The following TCERG1 variants were observed in gnomAD, a reference collection of about 807,000 sequenced individuals.
TCERG1 encodes the protein transcription elongation regulator 1, also known as TATA box binding protein (TBP)-associated factor, RNA polymerase II, S, 150kD.
TCERG1 carries 37 observed loss-of-function variants against 144.7 expected under a neutral mutation model. The observed-to-expected ratio is 0.26, with a 90% CI of 0.20 to 0.34. The LOEUF (loss-of-function observed/expected upper bound fraction) is 0.34, where lower values mean the gene tolerates loss of function less well. Among genes scored for constraint, TCERG1 ranks in the 10% least tolerant of loss-of-function variants. TCERG1 has a pLI of 1.00. For synonymous variants in TCERG1, 492 were observed against 458.2 expected (o/e 1.07, Z -0.94); for missense variants, 1,027 against 1,380.7 (o/e 0.74, Z 4.06).
At chr5:146,478,968 G>A (rs898354154) in intron 10 of TCERG1, among the ~76,000 whole-genome samples, 2 of 152,046 alleles carry the variant, frequency 1.3e-5, no homozygotes, top group African/African-American at 4.8e-5. Flanking sequence ...ATGCTCCTCG[G>A]TGGGCCTTTT....
rs768611051 is a variant in TCERG1 at position 146,458,988 on chromosome 5, ACAGGTT to A, written c.548_553del (p.Val183_Gln184del). The A allele has an allele frequency of 1.2e-6, 2 of 1,613,648 alleles. No individual in the cohort carries two copies. Among genetic ancestry groups the A allele is most frequent in the South Asian group, 2.2e-5 (2 of 91,072 alleles). ...TGACACCTATGCTTGCAGCCCAGGCACAGGTTCAGGCTCAGGCCCAGGCGCAGGCTC... is the reference window on the plus strand; with the variant it reads ...TGACACCTATGCTTGCAGCCCAGGCACAGGCTCAGGCCCAGGCGCAGGCTC... On this transcript the variant is annotated inframe_deletion, in exon 4 of 23. Transcript: ENST00000679501.
chr5:146,469,707 A>G lies in TCERG1; in HGVS notation c.1362A>G (p.Glu454=). Residue 454 remains glutamate, a synonymous_variant, in exon 7 of 23, where the codon GAA becomes GAG. Coordinates refer to ENST00000679501, the MANE Select transcript of TCERG1 (RefSeq NM_001382548.1). The stretch of plus-strand genomic sequence containing the variant: ...ATTATTATAATAATAGAACATTAGA[A>G]TCAACCTGGGAAAAACCCCAAGAAC... ...KTYYYNNRTL[E]STWEKPQELK... is the part of the protein sequence containing the mutation. 1.9e-6 allele frequency: 3 copies of G among 1,610,440 alleles called. No homozygotes were observed. The highest frequency in any genetic ancestry group is 2.5e-6 in the Non-Finnish European group (3 of 1,178,456).
intron 4 of TCERG1, chr5:146,462,120 G>T (rs951865665): frequency 6.6e-6 from 1 of 152,556 alleles, no homozygotes. Context: ...TAACAAGTAC[G>T]AAATTGCTCA....
intron 9 of TCERG1, among the ~76,000 whole-genome samples, chr5:146,472,739 A>ACTTGCTCT (rs1764458286): frequency 9.7e-6 from 1 of 103,452 alleles, no homozygotes; most frequent in Non-Finnish European, 2.0e-5. Context: ...TTTGAGACGG[A>ACTTGCTCT]GTCTTGCTCT....
rs1764296056 is a variant in TCERG1, at chr5:146,471,521, A to C, written c.1546A>C (p.Lys516Gln). 4 of 1,613,834 alleles carry C rather than the reference A, an allele frequency of 2.5e-6. No homozygotes were observed. The African/African-American group carries it at 5.3e-5, about 22-fold the overall frequency. The change falls in exon 9 of 23, where the codon AAG becomes CAG. Residue 516 changes from lysine to glutamine, a missense_variant. Physicochemically the swap from Lys to Gln is moderately conservative, Grantham distance 53. Transcript: ENST00000679501. Reference protein sequence around the residue: ...PKEEEMTEEEKAAQKAKPVAT... With the variant: ...PKEEEMTEEEQAAQKAKPVAT... Reference sequence around the variant, plus strand: ...AGAAGAGGAGATGACTGAAGAAGAAAAGGCTGCCCAGAAGGCAAAGCCAGT... The same window carrying C: ...AGAAGAGGAGATGACTGAAGAAGAACAGGCTGCCCAGAAGGCAAAGCCAGT...
At chr5:146,456,093 T>C (rs970725927) in intron 2 of TCERG1, among the ~76,000 whole-genome samples, 1 of 152,162 alleles carries the variant, frequency 6.6e-6, no homozygotes, top group African/African-American at 2.4e-5. Flanking sequence ...AAGAAGACAA[T>C]GATGTGCCAT....
intron 1 of TCERG1, among the ~76,000 whole-genome samples, chr5:146,450,050 T>C (rs1304834005): frequency 6.6e-6 from 1 of 152,234 alleles, no homozygotes; most frequent in Non-Finnish European, 1.5e-5. Context: ...TGTATAACCA[T>C]GCTGGTATAT....
At position 146,466,098 on chromosome 5, in the gene TCERG1, C is replaced by T. The variant is rs570605684; in HGVS notation, c.1136-2243C>T. Reference sequence around the variant, plus strand: ...AGACTTTTTGGTATTGATATTTGTTCACTTTTCTCATTTTCCCTTTTAACT... The same window carrying T: ...AGACTTTTTGGTATTGATATTTGTTTACTTTTCTCATTTTCCCTTTTAACT... On this transcript the variant is annotated intron_variant, in intron 5 of 22. Transcript: ENST00000679501. Among the ~76,000 whole-genome samples the T allele has an allele frequency of 5.3e-5, 8 of 150,630 alleles. No homozygotes were observed. The East Asian group carries it at 1.4e-3, about 26-fold the overall frequency.
intron 15 of TCERG1, among the ~76,000 whole-genome samples, chr5:146,491,148 ACT>A (rs1263064250): frequency 1.4e-5 from 2 of 144,766 alleles, no homozygotes; most frequent in Non-Finnish European, 3.0e-5. Flanking sequence ...CTGTTTGGGT[ACT>A]CTTTTTTTTT....
At chr5:146,485,936 C>G (rs1259778110) in intron 15 of TCERG1, among the ~76,000 whole-genome samples, 1 of 152,192 alleles carries the variant, frequency 6.6e-6, no homozygotes, top group Non-Finnish European at 1.5e-5. Flanking sequence ...CTCAAGTAAT[C>G]CGCCTGCCTT....
At position 146,451,509 on chromosome 5, in the gene TCERG1, G is replaced by T. The variant is rs969399654; in HGVS notation, c.60-3547G>T. ...GGCTAATTTCTGTATTTTTAGTAGA[G>T]TGGGGGTTTCACTATGTTGGCCAGG... On this transcript the variant is annotated intron_variant, in intron 1 of 22. Transcript: ENST00000679501. Among the ~76,000 whole-genome samples, 3 of 151,610 alleles carry T rather than the reference G, an allele frequency of 2.0e-5. No individual in the cohort carries two copies. The East Asian group carries it at 5.9e-4, about 30-fold the overall frequency.
intron 1 of TCERG1, 63 bp from the exon 2 acceptor site, chr5:146,454,993 G>T: frequency 6.5e-7 from 1 of 1,543,490 alleles, no homozygotes; most frequent in South Asian, 1.1e-5. Context: ...TGTAATTAGA[G>T]ATCAGTAGCT....
chr5:146,470,651 A>C lies in TCERG1; in HGVS notation c.1415A>C (p.Lys472Thr), dbSNP rs762212304. The C allele has an allele frequency of 3.1e-6, 5 of 1,603,380 alleles. No homozygotes were observed. In the East Asian group the frequency reaches 8.9e-5, roughly 29 times the overall value. The change falls in exon 8 of 23, where the codon AAG becomes ACG. Residue 472 changes from lysine (K) to threonine (T), a missense_variant. Coordinates refer to ENST00000679501, the MANE Select transcript of TCERG1 (RefSeq NM_001382548.1). ...ELKEKEKLEE[K>T]IKEPIKEPSE... ...TTTTTCATAGAAAAGTTAGAAGAGA[A>C]GATTAAAGAGCCAATTAAAGAACCC... is the stretch of plus-strand genomic sequence containing the variant.
chr5:146,487,159 G>C lies in TCERG1; in HGVS notation c.2163+3530G>C, dbSNP rs1180907244. On this transcript the variant is annotated intron_variant, in intron 15 of 22. Transcript: ENST00000679501. ...AAATATCCAAAACAATAGTGTTTCT[G>C]TACACAGTGAACTAGCTGAAAAAGA... 2.0e-5 allele frequency among the ~76,000 whole-genome samples: 3 copies of C among 152,068 alleles called. No homozygotes were observed. The East Asian group carries it at 5.8e-4, about 29-fold the overall frequency.
intron 3 of TCERG1, among the ~76,000 whole-genome samples, chr5:146,457,969 C>T (rs1005592150): frequency 2.0e-5 from 3 of 152,176 alleles, no homozygotes; most frequent in Non-Finnish European, 4.4e-5. Flanking sequence ...CCTGCCTCAG[C>T]CTCCTGAGTA....
At chr5:146,495,272 A>G (rs1203704034) in intron 16 of TCERG1, among the ~76,000 whole-genome samples, 2 of 152,196 alleles carry the variant, frequency 1.3e-5, no homozygotes, top group Non-Finnish European at 2.9e-5. Flanking sequence ...GAGCATCCCA[A>G]ATTCAAAAAT....
intron 14 of TCERG1, among the ~76,000 whole-genome samples, 167 bp downstream of exon 14, chr5:146,482,894 TATC>T (rs778459579): frequency 6.6e-6 from 1 of 152,214 alleles, no homozygotes; most frequent in Non-Finnish European, 1.5e-5. Context: ...TGGCTAATCT[TATC>T]ATATTTAACT....
intron 15 of TCERG1, among the ~76,000 whole-genome samples, chr5:146,488,748 A>G (rs1315571577): frequency 6.6e-6 from 1 of 152,178 alleles, no homozygotes; most frequent in African/African-American, 2.4e-5. Context: ...AAAAGACATC[A>G]TTATATTGAA....
At chr5:146,465,193 C>G (rs1763668581) in intron 5 of TCERG1, among the ~76,000 whole-genome samples, 1 of 152,162 alleles carries the variant, frequency 6.6e-6, no homozygotes. Flanking sequence ...TTGTCACAAC[C>G]TCTTTTTGTA....
Sources: gnomAD v4.1 joint callset for allele counts (sites outside exome capture counted in the v4.1 genomes callset) on GRCh38, gnomAD v4.1.1 for gene constraint, MANE v1.5 for transcripts, NCBI Gene and HGNC (gene_info 2026-07-23, HGNC 2026-07-21) for gene names.